Variants in PPARGC1B observed in about 807,000 individuals in gnomAD.
The protein encoded by PPARGC1B is peroxisome proliferator-activated receptor gamma coactivator 1-beta.
Under a neutral mutation model 101.6 loss-of-function variants are expected in PPARGC1B, and 34 were observed. That is an observed-to-expected ratio of 0.33 (90% confidence interval 0.25 to 0.45). The LOEUF is 0.45. Among genes scored for constraint, PPARGC1B ranks in the 20% least tolerant of loss-of-function variants. The pLI, the probability that PPARGC1B is intolerant of heterozygous loss-of-function variation, is 1.00. For synonymous variants in PPARGC1B, 548 were observed against 539.3 expected, an observed-to-expected ratio of 1.02 and a Z score of -0.22; for missense variants, 1,234 against 1,317.6, an observed-to-expected ratio of 0.94 and a Z score of 0.98.
At chr5:149,740,735 G>T (rs1318299973) in intron 1 of PPARGC1B, among the ~76,000 whole-genome samples, 18 of 152,136 alleles carry the variant, frequency 1.2e-4, no homozygotes, top group Admixed American at 1.2e-3. Flanking sequence ...CCCCCAAATT[G>T]GGGATAATAA....
At chr5:149,748,738 G>T (rs1191170296) in intron 1 of PPARGC1B, among the ~76,000 whole-genome samples, 1 of 152,240 alleles carries the variant, frequency 6.6e-6, no homozygotes, top group African/African-American at 2.4e-5. Flanking sequence ...GTGGCTAGGT[G>T]AGAGGCTTGA....
intron 1 of PPARGC1B, among the ~76,000 whole-genome samples, chr5:149,782,974 C>T (rs1369546089): frequency 6.6e-6 from 1 of 152,128 alleles, no homozygotes. Context: ...TGAATGCAGC[C>T]AGTGGGTCCA....
intron 1 of PPARGC1B, among the ~76,000 whole-genome samples, chr5:149,812,126 G>A (rs996899422): frequency 5.9e-5 from 9 of 152,322 alleles, no homozygotes; most frequent in East Asian, 1.9e-4. Context: ...GGATGCTTCC[G>A]CACAGAAAGG....
At chr5:149,758,491 G>A (rs961755676) in intron 1 of PPARGC1B, among the ~76,000 whole-genome samples, 6 of 152,202 alleles carry the variant, frequency 3.9e-5, no homozygotes, top group African/African-American at 7.2e-5. Flanking sequence ...TTTCACTGGC[G>A]CTGCACATAG....
At chr5:149,841,136 A>G (rs926790556) in intron 9 of PPARGC1B, among the ~76,000 whole-genome samples, 3 of 152,240 alleles carry the variant, frequency 2.0e-5, no homozygotes, top group African/African-American at 7.2e-5. Flanking sequence ...AAGCACTGTG[A>G]AATTAGTAAT....
chr5:149,782,785 G>A (rs1581047695), intron 1 of PPARGC1B, among the ~76,000 whole-genome samples: 1 of 152,228 alleles, frequency 6.6e-6, no homozygotes, highest in Non-Finnish European at 1.5e-5. Context: ...TCACAGGGCC[G>A]CTGCTCTAGG....
chr5:149,844,646 C>T (rs1437511423), intron 10 of PPARGC1B, among the ~76,000 whole-genome samples: 1 of 152,128 alleles, frequency 6.6e-6, no homozygotes, highest in Non-Finnish European at 1.5e-5. Flanking sequence ...TCTCAAAAAA[C>T]AAATAAATAG....
chr5:149,765,150 G>A (rs1745072463), intron 1 of PPARGC1B, among the ~76,000 whole-genome samples: 1 of 152,264 alleles, frequency 6.6e-6, no homozygotes, highest in Non-Finnish European at 1.5e-5. Flanking sequence ...AGTTAGGAGA[G>A]GCGTCCTCCT....
At chr5:149,840,918 C>CTCT (rs1260329274) in intron 9 of PPARGC1B, among the ~76,000 whole-genome samples, 51 of 152,312 alleles carry the variant, frequency 3.3e-4, no homozygotes, top group African/African-American at 1.2e-3. Flanking sequence ...TGTCTGCACA[C>CTCT]AGGTCCTTAA....
chr5:149,783,970 A>G (rs1004007030), intron 1 of PPARGC1B, among the ~76,000 whole-genome samples: 19 of 152,022 alleles, frequency 1.2e-4, no homozygotes, highest in African/African-American at 4.3e-4. Flanking sequence ...GCGTGTACAT[A>G]CATGCCTGCC....
chr5:149,731,409 T>G (rs1754460246), intron 1 of PPARGC1B, among the ~76,000 whole-genome samples: 1 of 152,106 alleles, frequency 6.6e-6, no homozygotes, highest in Non-Finnish European at 1.5e-5. Flanking sequence ...AGTTAGGGCT[T>G]TTTCTCTGGG....
chr5:149,823,052 G>T (rs140943855), intron 2 of PPARGC1B, among the ~76,000 whole-genome samples: 112 of 152,360 alleles, frequency 7.4e-4, no homozygotes, highest in African/African-American at 2.6e-3. Context: ...CAGGGACAGG[G>T]ACGTTGCCTT....
chr5:149,846,560 A>G (rs1428329178), intron 11 of PPARGC1B: 1 of 153,524 alleles, frequency 6.5e-6, no homozygotes, highest in South Asian at 2.0e-4. Context: ...CCTGAACCCA[A>G]GAGGTTGGAG....
At chr5:149,752,309 T>C (rs547528165) in intron 1 of PPARGC1B, among the ~76,000 whole-genome samples, 2 of 152,220 alleles carry the variant, frequency 1.3e-5, no homozygotes, top group Non-Finnish European at 2.9e-5. Context: ...TCAGTCGGGC[T>C]GTTTGAAGTG....
intron 9 of PPARGC1B, among the ~76,000 whole-genome samples, chr5:149,840,572 G>T (rs2113433279): frequency 6.6e-6 from 1 of 152,288 alleles, no homozygotes; most frequent in Non-Finnish European, 1.5e-5. Flanking sequence ...GCTTCCCAAG[G>T]CTTTCCCCAA....
At chr5:149,765,604 C>T (rs188350120) in intron 1 of PPARGC1B, among the ~76,000 whole-genome samples, 22 of 152,150 alleles carry the variant, frequency 1.4e-4, no homozygotes, top group African/African-American at 4.6e-4. Flanking sequence ...TTCTAAACAT[C>T]GACCAGCACT....
chr5:149,812,249 G>A (rs1354808822), intron 1 of PPARGC1B, among the ~76,000 whole-genome samples: 1 of 152,200 alleles, frequency 6.6e-6, no homozygotes, highest in African/African-American at 2.4e-5. Flanking sequence ...GCTGGGCTCA[G>A]AGCCCCTCTC....
rs541641670 is a variant in PPARGC1B, at chr5:149,825,480, C to T, written c.253-1193C>T. 1.4e-4 allele frequency among the ~76,000 whole-genome samples: 21 copies of T among 152,362 alleles called. No individual in the cohort carries two copies. In the South Asian group the frequency reaches 3.5e-3, roughly 26 times the overall value. ...CTCTTCCTGGGTCTCCCCTCCTTAA[C>T]GCTTTACCTGGCTGGTGTCTTTCAA... On this transcript the variant is annotated intron_variant, in intron 2 of 11. Coordinates refer to ENST00000309241, the MANE Select transcript of PPARGC1B (RefSeq NM_133263.4).
Position 149,815,074 on chromosome 5 carries a change from C to G in PPARGC1B, c.79-5359C>G, listed in dbSNP as rs1207566814. ...GGTCTTGAATGTTCCTTCTCACTTT[C>G]GGAAGCAGGATGGTGAATGAGGATC... On this transcript the variant is annotated intron_variant, in intron 1 of 11. Coordinates refer to ENST00000309241, the MANE Select transcript of PPARGC1B (RefSeq NM_133263.4). Among the ~76,000 whole-genome samples the G allele has an allele frequency of 5.9e-5, 9 of 152,340 alleles. No individual in the cohort carries two copies. The East Asian group carries it at 7.7e-4, about 13-fold the overall frequency.
Sources: allele counts gnomAD v4.1 joint callset (sites outside exome capture counted in the v4.1 genomes callset), GRCh38; gene constraint gnomAD v4.1.1; transcripts MANE v1.5; gene names NCBI Gene and HGNC (gene_info 2026-07-23, HGNC 2026-07-21).